EFCAB6: variants seen among roughly 807,000 people sequenced by gnomAD.
EFCAB6 encodes EF-hand calcium binding domain 6, also known as EF-hand calcium-binding domain-containing protein 6.
A neutral mutation model predicts 169.8 loss-of-function variants in EFCAB6; 156 were observed. That is an observed-to-expected ratio of 0.92 (90% CI 0.81 to 1.05). The LOEUF (loss-of-function observed/expected upper bound fraction) is 1.05. Among genes scored for constraint, EFCAB6 ranks in the 50% least tolerant of loss-of-function variants. EFCAB6 has a pLI of 0.00. For missense variants in EFCAB6, 1,800 were observed against 1,829.1 expected, an observed-to-expected ratio of 0.98 and a Z score of 0.29; for synonymous variants, 698 against 676.4, an observed-to-expected ratio of 1.03 and a Z score of -0.50.
At chr22:43,621,026 G>C (rs1425318532) in intron 20 of EFCAB6, among the ~76,000 whole-genome samples, 1 of 151,768 alleles carries the variant, frequency 6.6e-6, no homozygotes, top group Non-Finnish European at 1.5e-5. Context: ...CACAAGATAT[G>C]TTCTCTGACC....
At position 43,784,620 on chromosome 22, in the gene EFCAB6, T is replaced by C. The variant is rs1459906160; in HGVS notation, c.-7-2295A>G. Among the ~76,000 whole-genome samples the C allele has an allele frequency of 9.2e-5, 7 of 76,300 alleles. 2 individuals are homozygous for C. The East Asian group carries it at 1.5e-3, about 16-fold the overall frequency. 50.1% of individuals were successfully genotyped at this position (76,300 alleles called of 152,430 possible). On this transcript the variant is annotated intron_variant, in intron 2 of 31. Coordinates refer to ENST00000262726, the MANE Select transcript of EFCAB6 (RefSeq NM_022785.4). ...ATATACACATATATATGTGTATATA[T>C]ACACATATATATGTATATGTACACA...
chr22:43,642,878 C>G (rs1250342192), intron 17 of EFCAB6, among the ~76,000 whole-genome samples: 1 of 152,164 alleles, frequency 6.6e-6, no homozygotes, highest in Non-Finnish European at 1.5e-5. Context: ...CTTTTCAAGT[C>G]TTAACCAACA....
chr22:43,654,366 A>G (rs532233135), intron 17 of EFCAB6, among the ~76,000 whole-genome samples: 1 of 152,392 alleles, frequency 6.6e-6, no homozygotes, highest in Non-Finnish European at 1.5e-5. Context: ...GAGAAAAAGA[A>G]TAACTTGACA....
intron 23 of EFCAB6, among the ~76,000 whole-genome samples, chr22:43,592,531 T>C (rs1229316224): frequency 6.6e-6 from 1 of 152,246 alleles, no homozygotes. Context: ...GCAGTAATTA[T>C]TTCCCTTGCA....
chr22:43,762,285 G>A (rs947216884), intron 5 of EFCAB6, among the ~76,000 whole-genome samples: 11 of 152,168 alleles, frequency 7.2e-5, no homozygotes, highest in Admixed American at 2.6e-4. Flanking sequence ...CTTTGTAGGC[G>A]ATGGTCCTTT....
intron 10 of EFCAB6, among the ~76,000 whole-genome samples, chr22:43,708,560 A>T (rs1025710050): frequency 1.3e-5 from 2 of 152,214 alleles, no homozygotes; most frequent in Non-Finnish European, 1.5e-5. Context: ...TGAAAAAAGC[A>T]AAGATGTTAC....
intron 6 of EFCAB6, among the ~76,000 whole-genome samples, chr22:43,745,666 A>G (rs1032515233): frequency 6.6e-6 from 1 of 152,236 alleles, no homozygotes; most frequent in African/African-American, 2.4e-5. Flanking sequence ...TTCATTTTAA[A>G]TTTAAGAAGT....
chr22:43,771,975 A>G (rs1174573695), intron 4 of EFCAB6, among the ~76,000 whole-genome samples: 1 of 152,182 alleles, frequency 6.6e-6, no homozygotes, highest in Non-Finnish European at 1.5e-5. Context: ...CCCCTCTGCT[A>G]TAATGACCTT....
chr22:43,685,846 T>C (rs2058174719), intron 11 of EFCAB6, among the ~76,000 whole-genome samples: 1 of 152,222 alleles, frequency 6.6e-6, no homozygotes, highest in South Asian at 2.1e-4. Flanking sequence ...GTCACTAGTA[T>C]ATCTAAGTGT....
At chr22:43,618,825 A>G (rs1045026654) in intron 20 of EFCAB6, among the ~76,000 whole-genome samples, 4 of 152,216 alleles carry the variant, frequency 2.6e-5, no homozygotes, top group Non-Finnish European at 1.5e-5. Context: ...CCAAAACGTT[A>G]AAATTTTCTC....
At position 43,608,585 on chromosome 22, in the gene EFCAB6, C is replaced by A. The variant is rs55698170; in HGVS notation, c.2578G>T (p.Asp860Tyr). The change falls in exon 22 of 32, where the codon GAT becomes TAT. Residue 860 changes from aspartate to tyrosine, a missense_variant. Asp to Tyr is a radical substitution (Grantham distance 160, BLOSUM62 -3). Transcript: ENST00000262726. ...CGAAGAATGCCATTGCCCTCATTAT[C>A]GGTTTCTAGAAAATTCTACAACATC... is the stretch of plus-strand genomic sequence containing the variant. ...SDLSKNFLET[D>Y]NEGNGILRRR... 6.2e-7 allele frequency: 1 copy of A among 1,614,146 alleles called. No homozygotes were observed. The highest frequency in any genetic ancestry group is 2.2e-5 in the East Asian group (1 of 44,884).
chr22:43,756,215 C>T (rs1474262374), intron 5 of EFCAB6, among the ~76,000 whole-genome samples: 1 of 152,156 alleles, frequency 6.6e-6, no homozygotes, highest in African/African-American at 2.4e-5. Context: ...TGACGGGGAT[C>T]TTAATAGATG....
At chr22:43,776,021 C>T (rs149806153) in intron 3 of EFCAB6, among the ~76,000 whole-genome samples, 34 of 152,324 alleles carry the variant, frequency 2.2e-4, no homozygotes, top group African/African-American at 3.8e-4. Context: ...GTTGCTATTT[C>T]GAGCCACAAT....
rs551396635 is a variant in EFCAB6 at position 43,747,483 on chromosome 22, G to A, written c.507+8283C>T. On this transcript the variant is annotated intron_variant, in intron 6 of 31. Coordinates refer to ENST00000262726, the MANE Select transcript of EFCAB6 (RefSeq NM_022785.4). Reference sequence around the variant, plus strand: ...TGAGGGAAAGGAAAGTCGAAGTGGCGCCCAGTTTCTGCCTTGGTGACCTGA... The same window carrying A: ...TGAGGGAAAGGAAAGTCGAAGTGGCACCCAGTTTCTGCCTTGGTGACCTGA... Among the ~76,000 whole-genome samples the A allele has an allele frequency of 8.5e-5, 13 of 152,220 alleles. No individual in the cohort carries two copies. The South Asian group carries it at 1.7e-3, about 19-fold the overall frequency.
intron 21 of EFCAB6, among the ~76,000 whole-genome samples, chr22:43,614,728 T>G (rs1178100604): frequency 6.6e-6 from 1 of 152,064 alleles, no homozygotes; most frequent in African/African-American, 2.4e-5. Context: ...GAGTACACAA[T>G]ACAGACAGTT....
At chr22:43,560,909 G>A (rs1373150337) in intron 26 of EFCAB6, among the ~76,000 whole-genome samples, 1 of 152,234 alleles carries the variant, frequency 6.6e-6, no homozygotes, top group African/African-American at 2.4e-5. Context: ...GGACACAGGT[G>A]TTGCCACGGA....
intron 19 of EFCAB6, among the ~76,000 whole-genome samples, chr22:43,631,466 G>A (rs997268118): frequency 6.6e-6 from 1 of 151,996 alleles, no homozygotes; most frequent in African/African-American, 2.4e-5. Flanking sequence ...GTCCCGGCCT[G>A]GCTCAGGCTG....
chr22:43,696,276 T>C (rs992141775), intron 10 of EFCAB6, among the ~76,000 whole-genome samples: 1 of 98,620 alleles, frequency 1.0e-5, no homozygotes, highest in African/African-American at 4.7e-5. Context: ...ACCTCTAGAA[T>C]GGCTAAAATA....
At chr22:43,787,437 C>G (rs1253318495) in intron 2 of EFCAB6, among the ~76,000 whole-genome samples, 1 of 151,018 alleles carries the variant, frequency 6.6e-6, no homozygotes, top group Non-Finnish European at 1.5e-5. Flanking sequence ...GATCAATATA[C>G]AAAACTCAGT....
Sources: allele counts gnomAD v4.1 joint callset (sites outside exome capture counted in the v4.1 genomes callset), GRCh38; gene constraint gnomAD v4.1.1; transcripts MANE v1.5; gene names NCBI Gene and HGNC (gene_info 2026-07-23, HGNC 2026-07-21).